PLPPR1: variants seen among roughly 807,000 people sequenced by gnomAD.
The protein encoded by PLPPR1 is phospholipid phosphatase related 1.
A neutral mutation model predicts 33.1 loss-of-function variants in PLPPR1; 10 were observed. The ratio of observed to expected loss-of-function variants is 0.30; its 90% confidence interval spans 0.19 to 0.51. PLPPR1 has a LOEUF of 0.51. PLPPR1 is among the 20% of genes least tolerant of loss of function. The pLI, the probability that PLPPR1 is intolerant of heterozygous loss-of-function variation, is 0.97. For missense variants in PLPPR1, 304 were observed against 408.1 expected, an observed-to-expected ratio of 0.74 and a Z score of 2.20; for synonymous variants, 151 against 151.0, an observed-to-expected ratio of 1.00 and a Z score of 0.00.
At chr9:101,296,714 T>C (rs146965259) in intron 4 of PLPPR1, among the ~76,000 whole-genome samples, 6,558 of 151,988 alleles carry the variant, frequency 0.043, 196 homozygotes, top group South Asian at 0.11. Context: ...CCAAACACCG[T>C]ATATTTTCAC....
intron 1 of PLPPR1, among the ~76,000 whole-genome samples, chr9:101,033,374 G>A (rs1367116063): frequency 6.6e-6 from 1 of 152,152 alleles, no homozygotes; most frequent in Admixed American, 6.5e-5. Flanking sequence ...CTGTTTTGCA[G>A]AAATTGATTT....
chr9:101,223,713 G>T (rs374975915), intron 2 of PLPPR1, among the ~76,000 whole-genome samples: 24 of 152,104 alleles, frequency 1.6e-4, no homozygotes, highest in African/African-American at 5.3e-4. Flanking sequence ...CTGTGAAGAG[G>T]TGCCTTCTGC....
At position 101,162,825 on chromosome 9, in the gene PLPPR1, T is replaced by C. The variant is rs530607358; in HGVS notation, c.-45-22625T>C. 1.1e-4 allele frequency among the ~76,000 whole-genome samples: 16 copies of C among 152,268 alleles called. No individual in the cohort carries two copies. In the South Asian group the frequency reaches 3.3e-3, roughly 32 times the overall value. ...CTGTGCTGTGGGGAATGCAGTTAATTAAGGCCTTCAGGCAGAACCTACAAG... is the reference window on the plus strand; with the variant it reads ...CTGTGCTGTGGGGAATGCAGTTAATCAAGGCCTTCAGGCAGAACCTACAAG... On this transcript the variant is annotated intron_variant, in intron 1 of 7. Coordinates refer to ENST00000374874, the MANE Select transcript of PLPPR1 (RefSeq NM_207299.2).
intron 1 of PLPPR1, among the ~76,000 whole-genome samples, chr9:101,047,869 AC>A (rs1830172321): frequency 6.6e-6 from 1 of 151,874 alleles, no homozygotes; most frequent in Non-Finnish European, 1.5e-5. Flanking sequence ...CCTTTTGATT[AC>A]TCTCATGTTT....
intron 1 of PLPPR1, among the ~76,000 whole-genome samples, chr9:101,133,943 G>C (rs143432694): frequency 6.6e-6 from 1 of 152,140 alleles, no homozygotes; most frequent in Admixed American, 6.5e-5. Flanking sequence ...AATTGGATCC[G>C]TAATACTATC....
intron 2 of PLPPR1, among the ~76,000 whole-genome samples, chr9:101,185,902 T>A (rs1325147534): frequency 2.0e-5 from 3 of 151,908 alleles, no homozygotes; most frequent in Admixed American, 2.0e-4. Flanking sequence ...ATTTTTTTAT[T>A]AAAAAATCAA....
At chr9:101,285,011 G>A (rs1339115787) in intron 3 of PLPPR1, among the ~76,000 whole-genome samples, 1 of 152,066 alleles carries the variant, frequency 6.6e-6, no homozygotes, top group African/African-American at 2.4e-5. Context: ...TGCTTTGGAG[G>A]GTAAATTACC....
intron 1 of PLPPR1, among the ~76,000 whole-genome samples, chr9:101,035,812 A>G (rs1830004040): frequency 6.6e-6 from 1 of 152,214 alleles, no homozygotes; most frequent in African/African-American, 2.4e-5. Flanking sequence ...AAGATTCGTT[A>G]GAAGTTACCT....
chr9:101,192,039 C>T (rs933560765), intron 2 of PLPPR1, among the ~76,000 whole-genome samples: 3 of 152,194 alleles, frequency 2.0e-5, no homozygotes, highest in Admixed American at 1.3e-4. Flanking sequence ...TGAAGTTCAG[C>T]AAGAACTTGA....
chr9:101,162,277 G>A (rs993532936), intron 1 of PLPPR1, among the ~76,000 whole-genome samples: 25 of 152,180 alleles, frequency 1.6e-4, no homozygotes, highest in African/African-American at 5.8e-4. Context: ...CAGCCTGAGA[G>A]TGCTTTGTCC....
chr9:101,254,685 A>G (rs994910117), intron 2 of PLPPR1, among the ~76,000 whole-genome samples: 2 of 152,008 alleles, frequency 1.3e-5, no homozygotes, highest in African/African-American at 4.8e-5. Context: ...TAAAGAACTG[A>G]GGCTTAGAAA....
At chr9:101,108,072 C>T (rs370410919) in intron 1 of PLPPR1, among the ~76,000 whole-genome samples, 18 of 147,340 alleles carry the variant, frequency 1.2e-4, no homozygotes, top group African/African-American at 4.1e-4. Flanking sequence ...GAGATGAACC[C>T]GGTACCTCAG....
intron 1 of PLPPR1, among the ~76,000 whole-genome samples, chr9:101,035,220 G>A (rs559199239): frequency 1.3e-5 from 2 of 151,910 alleles, no homozygotes; most frequent in South Asian, 4.2e-4. Flanking sequence ...TCCCTTCATG[G>A]AAAAATTTGT....
At position 101,107,684 on chromosome 9, in the gene PLPPR1, G is replaced by C. The variant is rs1242294556; in HGVS notation, c.-45-77766G>C. 1.9e-4 allele frequency among the ~76,000 whole-genome samples: 17 copies of C among 90,366 alleles called. No homozygotes were observed. The East Asian group carries it at 3.1e-3, about 17-fold the overall frequency. The allele number at this position is 90,366 out of a possible 152,430, so 59.3% of individuals were successfully genotyped here. A position where few individuals can be genotyped will look rare whatever the true frequency, so the allele number is the denominator to read the frequency against. The stretch of plus-strand genomic sequence containing the variant: ...AGCTGTGGTGGGCTCCACCCAGTTC[G>C]AGCTTCCCGGCTGCTTTGTTTACCT... On this transcript the variant is annotated intron_variant, in intron 1 of 7. Transcript: ENST00000374874.
intron 1 of PLPPR1, among the ~76,000 whole-genome samples, chr9:101,144,205 G>A (rs889606380): frequency 2.6e-5 from 4 of 151,558 alleles, no homozygotes; most frequent in Admixed American, 6.6e-5. Flanking sequence ...TCATAGGTGG[G>A]AATTGAACAA....
At chr9:101,060,954 A>G (rs573555946) in intron 1 of PLPPR1, among the ~76,000 whole-genome samples, 9 of 152,072 alleles carry the variant, frequency 5.9e-5, no homozygotes, top group East Asian at 3.9e-4. Context: ...TTATTTACCA[A>G]ACCAAACTCT....
intron 1 of PLPPR1, among the ~76,000 whole-genome samples, chr9:101,064,484 G>T (rs1014500828): frequency 1.3e-5 from 2 of 152,078 alleles, no homozygotes; most frequent in Admixed American, 1.3e-4. Flanking sequence ...CACAGAAGCT[G>T]CAGGTTTCCA....
intron 1 of PLPPR1, among the ~76,000 whole-genome samples, chr9:101,116,251 G>GT (rs956986958): frequency 2.6e-5 from 4 of 152,270 alleles, no homozygotes; most frequent in African/African-American, 7.2e-5. Flanking sequence ...TGTTTTTTAA[G>GT]TTTTTTTCTG....
intron 4 of PLPPR1, among the ~76,000 whole-genome samples, chr9:101,307,020 A>G (rs1828870920): frequency 6.6e-6 from 1 of 152,230 alleles, no homozygotes; most frequent in Non-Finnish European, 1.5e-5. Context: ...TGTGGCCTGC[A>G]TGGGGCAGGT....
Sources: gnomAD v4.1 joint callset for allele counts (sites outside exome capture counted in the v4.1 genomes callset) on GRCh38, gnomAD v4.1.1 for gene constraint, MANE v1.5 for transcripts, NCBI Gene and HGNC (gene_info 2026-07-23, HGNC 2026-07-21) for gene names.